ZNF521: variants seen among roughly 807,000 people sequenced by gnomAD.
The protein encoded by ZNF521 is zinc finger protein 521.
ZNF521 carries 14 observed loss-of-function variants against 105.5 expected under a neutral mutation model. The ratio of observed to expected loss-of-function variants is 0.13; its 90% confidence interval spans 0.09 to 0.21. The LOEUF (loss-of-function observed/expected upper bound fraction) is 0.21. Ranked by LOEUF, ZNF521 falls within the 10% of genes least tolerant of loss-of-function variation. ZNF521 has a pLI of 1.00. For missense variants in ZNF521, 1,233 were observed against 1,629.7 expected (o/e 0.76, Z 4.19); for synonymous variants, 635 against 606.0 (o/e 1.05, Z -0.70).
chr18:25,261,234 C>G (rs1908885878), intron 3 of ZNF521, among the ~76,000 whole-genome samples: 1 of 152,254 alleles, frequency 6.6e-6, no homozygotes, highest in Non-Finnish European at 1.5e-5. Context: ...CATTTTAGAC[C>G]TAACTAAACA....
intron 5 of ZNF521, among the ~76,000 whole-genome samples, chr18:25,139,372 CAAAAAAAAAAAAA>C (rs36175281): frequency 9.7e-5 from 5 of 51,372 alleles, no homozygotes; most frequent in Non-Finnish European, 1.4e-4. Flanking sequence ...GACTCTGTCT[CAAAAAAAAAAAAA>C]AAAAAAAAAA....
chr18:25,242,160 A>G (rs1907381748), intron 3 of ZNF521, among the ~76,000 whole-genome samples: 1 of 152,190 alleles, frequency 6.6e-6, no homozygotes, highest in South Asian at 2.1e-4. Context: ...CTATTATTCA[A>G]GGAGCAATTT....
At chr18:25,346,166 A>G (rs1254020431) in intron 2 of ZNF521, among the ~76,000 whole-genome samples, 2 of 152,142 alleles carry the variant, frequency 1.3e-5, no homozygotes, top group African/African-American at 4.8e-5. Flanking sequence ...TTTACACACA[A>G]ACTTGGGGGC....
At chr18:25,092,184 T>A in intron 5 of ZNF521, 103 bp from the exon 6 acceptor site, 3 of 1,296,104 alleles carry the variant, frequency 2.3e-6, no homozygotes, top group Non-Finnish European at 3.2e-6. Flanking sequence ...TTCCATCACC[T>A]AATATACATA....
At chr18:25,189,580 G>C (rs997586669) in intron 5 of ZNF521, among the ~76,000 whole-genome samples, 1 of 152,180 alleles carries the variant, frequency 6.6e-6, no homozygotes, top group Non-Finnish European at 1.5e-5. Context: ...GCACCTTGCT[G>C]TCATTGGCAA....
chr18:25,123,717 T>C (rs112826185), intron 5 of ZNF521, among the ~76,000 whole-genome samples: 293 of 152,316 alleles, frequency 1.9e-3, no homozygotes, highest in African/African-American at 6.7e-3. Flanking sequence ...CACTTTCTAA[T>C]ATAACCTTGA....
chr18:25,255,962 G>GTA (rs140610130), intron 3 of ZNF521, among the ~76,000 whole-genome samples: 66 of 145,284 alleles, frequency 4.5e-4, no homozygotes, highest in African/African-American at 8.1e-4. Flanking sequence ...TATATATATC[G>GTA]TATATATATA....
At chr18:25,065,189 T>C (rs1032817736) in intron 7 of ZNF521, among the ~76,000 whole-genome samples, 1 of 152,108 alleles carries the variant, frequency 6.6e-6, no homozygotes. Flanking sequence ...TTTTAAAAAG[T>C]CCAAAAACAA....
intron 5 of ZNF521, among the ~76,000 whole-genome samples, chr18:25,129,263 A>AT (rs2034594287): frequency 6.2e-5 from 5 of 80,234 alleles, no homozygotes; most frequent in African/African-American, 1.6e-4. Context: ...AATAATAATA[A>AT]TAATTATTAT....
intron 2 of ZNF521, among the ~76,000 whole-genome samples, chr18:25,326,223 A>C (rs935066147): frequency 7.9e-5 from 12 of 152,192 alleles, no homozygotes; most frequent in Non-Finnish European, 1.5e-4. Context: ...CATCTTACAT[A>C]TTTCTCTCTG....
intron 3 of ZNF521, among the ~76,000 whole-genome samples, chr18:25,284,896 G>A (rs1910599997): frequency 6.8e-6 from 1 of 146,486 alleles, no homozygotes; most frequent in Non-Finnish European, 1.5e-5. Context: ...AAACACTCAT[G>A]TGCGTGCGCG....
rs181670438 is a variant in ZNF521 at position 25,065,274 on chromosome 18, C to T, written c.3907-2533G>A. On this transcript the variant is annotated intron_variant, in intron 7 of 7. Coordinates refer to ENST00000361524, the MANE Select transcript of ZNF521 (RefSeq NM_015461.3). ...AATGGGAAAATCCAAAATCCAAATACTCCAAAATCTGAAATTTTTGAGCAC... is the reference window on the plus strand; with the variant it reads ...AATGGGAAAATCCAAAATCCAAATATTCCAAAATCTGAAATTTTTGAGCAC... Among the ~76,000 whole-genome samples the T allele has an allele frequency of 9.8e-4, 150 of 152,314 alleles. 2 individuals carry two copies. The Middle Eastern group carries it at 0.02, about 21-fold the overall frequency.
At chr18:25,213,954 A>AT (rs2036237650) in intron 4 of ZNF521, among the ~76,000 whole-genome samples, 1 of 151,930 alleles carries the variant, frequency 6.6e-6, no homozygotes, top group Non-Finnish European at 1.5e-5. Context: ...TTCATTTGGC[A>AT]TTTTTTGTAA....
At chr18:25,172,506 T>C (rs1225040272) in intron 5 of ZNF521, among the ~76,000 whole-genome samples, 1 of 152,198 alleles carries the variant, frequency 6.6e-6, no homozygotes, top group African/African-American at 2.4e-5. Context: ...TTAGGAATAT[T>C]ATTCCCTTCT....
At chr18:25,314,549 T>C (rs1034433275) in intron 3 of ZNF521, among the ~76,000 whole-genome samples, 3 of 152,192 alleles carry the variant, frequency 2.0e-5, no homozygotes, top group African/African-American at 7.2e-5. Context: ...TTCAGTTCAT[T>C]TTCCTAAAAA....
intron 6 of ZNF521, 151 bp from the exon 7 acceptor site, chr18:25,089,731 C>T (rs191811906): frequency 1.5e-4 from 102 of 661,710 alleles, no homozygotes; most frequent in African/African-American, 1.5e-3. Flanking sequence ...GTCACATTTG[C>T]TCATGGTTGG....
At chr18:25,154,945 T>G (rs1480180176) in intron 5 of ZNF521, among the ~76,000 whole-genome samples, 1 of 152,180 alleles carries the variant, frequency 6.6e-6, no homozygotes, top group Admixed American at 6.5e-5. Context: ...ACTTCTATTT[T>G]TTATTTCTTT....
In ZNF521 at chr18:25,062,566, A is replaced by T; in HGVS notation, c.*146T>A. On this transcript the variant is annotated 3_prime_UTR_variant, in exon 8 of 8. Coordinates refer to ENST00000361524, the MANE Select transcript of ZNF521 (RefSeq NM_015461.3). ...TGCGCAAAAGTTCAAACACATGAAC[A>T]TCCAACAGTTTGATAATACAAGTTT... 1 of 1,120,952 alleles carries T rather than the reference A, an allele frequency of 8.9e-7. No individual in the cohort carries two copies. The highest frequency in any genetic ancestry group is 1.3e-6 in the Non-Finnish European group (1 of 772,942). The allele number at this position is 1,120,952 out of a possible 1,614,324, so 69.4% of individuals were successfully genotyped here. A position where few individuals can be genotyped will look rare whatever the true frequency, so the allele number is the denominator to read the frequency against.
intron 3 of ZNF521, among the ~76,000 whole-genome samples, chr18:25,261,210 C>A (rs577245795): frequency 1.3e-5 from 2 of 152,220 alleles, no homozygotes; most frequent in South Asian, 2.1e-4. Context: ...ACTCTGGGGG[C>A]AAGTGAGTTA....
Sources: gnomAD v4.1 joint callset for allele counts (sites outside exome capture counted in the v4.1 genomes callset) on GRCh38, gnomAD v4.1.1 for gene constraint, MANE v1.5 for transcripts, NCBI Gene and HGNC (gene_info 2026-07-23, HGNC 2026-07-21) for gene names.